The following RASEF variants were observed in gnomAD, a reference collection of about 807,000 sequenced individuals.
RASEF encodes ras and EF-hand domain-containing protein.
Under a neutral mutation model 90.1 loss-of-function variants are expected in RASEF, and 68 were observed. That is an observed-to-expected ratio of 0.75 (90% confidence interval 0.62 to 0.92). RASEF has a LOEUF of 0.92. Among genes scored for constraint, RASEF ranks in the 40% least tolerant of loss-of-function variants. The pLI, the probability that RASEF is intolerant of heterozygous loss-of-function variation, is 0.00. For synonymous variants in RASEF, 331 were observed against 345.2 expected, an observed-to-expected ratio of 0.96 and a Z score of 0.46; for missense variants, 949 against 937.2, an observed-to-expected ratio of 1.01 and a Z score of -0.16.
At chr9:83,069,253 T>A in the RASEF span, among the ~76,000 whole-genome samples, 1 of 152,222 alleles carries the variant, frequency 6.6e-6, no homozygotes, top group Non-Finnish European at 1.5e-5. Context: ...TGTAAATATC[T>A]GTTTAACTTC....
At chr9:83,177,274 G>A in the RASEF span, among the ~76,000 whole-genome samples, 208 of 152,104 alleles carry the variant, frequency 1.4e-3, 1 homozygote, top group African/African-American at 4.7e-3. Flanking sequence ...GTGGTTTTTC[G>A]CAATTAAAAG....
chr9:83,095,239 T>C, the RASEF span, among the ~76,000 whole-genome samples: 1 of 151,972 alleles, frequency 6.6e-6, no homozygotes, highest in Non-Finnish European at 1.5e-5. Flanking sequence ...GATACCTCAG[T>C]CTTGGGGCGC....
At chr9:83,208,977 A>G in the RASEF span, among the ~76,000 whole-genome samples, 1 of 152,174 alleles carries the variant, frequency 6.6e-6, no homozygotes, top group Non-Finnish European at 1.5e-5. Flanking sequence ...TTCTGGGCCC[A>G]ATTTATAACA....
the RASEF span, among the ~76,000 whole-genome samples, chr9:83,075,143 CAGAA>C: frequency 1.3e-5 from 2 of 152,094 alleles, no homozygotes; most frequent in Non-Finnish European, 2.9e-5. Context: ...TTTTAGATGG[CAGAA>C]AGAATCATGA....
At chr9:83,158,545 TAC>T in the RASEF span, among the ~76,000 whole-genome samples, 3 of 148,762 alleles carry the variant, frequency 2.0e-5, no homozygotes, top group Admixed American at 1.4e-4. Flanking sequence ...CACACACACA[TAC>T]ACACACACAT....
chr9:83,172,527 T>C, the RASEF span, among the ~76,000 whole-genome samples: 3 of 151,830 alleles, frequency 2.0e-5, no homozygotes, highest in African/African-American at 7.2e-5. Flanking sequence ...TCTTTCAGTA[T>C]ATCTATTAAT....
At chr9:83,190,165 C>A in the RASEF span, among the ~76,000 whole-genome samples, 1 of 152,274 alleles carries the variant, frequency 6.6e-6, no homozygotes, top group Non-Finnish European at 1.5e-5. Flanking sequence ...ATTAGCGACA[C>A]AAATTTCTAG....
the RASEF span, among the ~76,000 whole-genome samples, chr9:83,082,749 T>A: frequency 1.3e-5 from 2 of 152,336 alleles, no homozygotes; most frequent in East Asian, 3.9e-4. Context: ...TCCCTTTCTA[T>A]TTGTTTTGAC....
the RASEF span, among the ~76,000 whole-genome samples, chr9:83,212,575 C>G: frequency 6.6e-6 from 1 of 152,158 alleles, no homozygotes; most frequent in Non-Finnish European, 1.5e-5. Flanking sequence ...TATTTCATTC[C>G]TTCTTGAATG....
chr9:83,047,271 A>G (rs1428254806), intron 1 of RASEF, among the ~76,000 whole-genome samples: 1 of 152,214 alleles, frequency 6.6e-6, no homozygotes, highest in East Asian at 1.9e-4. Flanking sequence ...CTCCAAAACA[A>G]AACAAAAAAA....
chr9:83,032,764 T>C (rs1461444242), intron 1 of RASEF, among the ~76,000 whole-genome samples: 2 of 152,208 alleles, frequency 1.3e-5, no homozygotes, highest in Non-Finnish European at 2.9e-5. Context: ...AGAGGGAAAT[T>C]ATACGTACTT....
At chr9:83,042,560 A>G (rs996207426) in intron 1 of RASEF, among the ~76,000 whole-genome samples, 3 of 152,216 alleles carry the variant, frequency 2.0e-5, no homozygotes, top group African/African-American at 7.2e-5. Context: ...GAACTACAGC[A>G]TCTACTTGAG....
intron 1 of RASEF, 141 bp from the exon 2 acceptor site, chr9:83,026,062 A>C: frequency 3.1e-6 from 2 of 644,832 alleles, no homozygotes; most frequent in Non-Finnish European, 5.0e-6. Context: ...AAGGAAGGGA[A>C]GACAGCAGTC....
intron 16 of RASEF, among the ~76,000 whole-genome samples, chr9:82,984,513 A>G (rs1740705911): frequency 6.6e-6 from 1 of 152,182 alleles, no homozygotes; most frequent in Non-Finnish European, 1.5e-5. Context: ...TGCAATATAC[A>G]TGTTTTTCAT....
chr9:83,199,639 G>C, the RASEF span, among the ~76,000 whole-genome samples: 1 of 152,236 alleles, frequency 6.6e-6, no homozygotes, highest in African/African-American at 2.4e-5. Flanking sequence ...ACATCTGTCA[G>C]CAAGAGGCTG....
chr9:83,027,629 A>G (rs951655196), intron 1 of RASEF, among the ~76,000 whole-genome samples: 1 of 152,234 alleles, frequency 6.6e-6, no homozygotes, highest in African/African-American at 2.4e-5. Flanking sequence ...AGGTATTTCA[A>G]AAGAAAAATT....
chr9:82,991,906 A>G (rs967936241), intron 15 of RASEF, among the ~76,000 whole-genome samples: 1 of 152,246 alleles, frequency 6.6e-6, no homozygotes, highest in Admixed American at 6.5e-5. Flanking sequence ...TCCCTCAGAC[A>G]GTAAACAATA....
chr9:83,000,217 T>C lies in RASEF; in HGVS notation c.1675A>G (p.Met559Val), dbSNP rs372119351. ...DAAVGKSSFL[M>V]RLCKNEFREN... ...CGAAATTCATTCTTGCAAAGTCTCA[T>C]GAGGAAACTAGACTTCCCCACTGCA... is the stretch of plus-strand genomic sequence containing the variant. Residue 559 changes from methionine to valine, a missense_variant, in exon 12 of 17, where the codon ATG (methionine) becomes GTG (valine). Around this residue, in one of 3 missense-constraint regions of RASEF, gnomAD observed 288 missense variants for 328.4 expected, o/e 0.88. Transcript: ENST00000376447. 3.1e-6 allele frequency: 5 copies of C among 1,614,108 alleles called. No homozygotes were observed. In the East Asian group the frequency reaches 1.1e-4, roughly 36 times the overall value.
chr9:83,093,227 C>T, the RASEF span, among the ~76,000 whole-genome samples: 7,846 of 152,286 alleles, frequency 0.052, 292 homozygotes, highest in Non-Finnish European at 0.071. Flanking sequence ...AGGAGGCCAG[C>T]TGGCTTCACC....
Sources: gnomAD v4.1 joint callset for allele counts (sites outside exome capture counted in the v4.1 genomes callset) on GRCh38, gnomAD v4.1.1 for gene constraint, gnomAD v4.1.1 regional missense constraint, MANE v1.5 for transcripts, NCBI Gene and HGNC (gene_info 2026-07-23, HGNC 2026-07-21) for gene names.